Variants in AAK1 observed in about 807,000 individuals in gnomAD.
The protein encoded by AAK1 is AP2 associated kinase 1.
Under a neutral mutation model 116.0 loss-of-function variants are expected in AAK1, and 37 were observed. The observed-to-expected ratio is 0.32, with a 90% confidence interval of 0.25 to 0.42. The LOEUF (loss-of-function observed/expected upper bound fraction) is 0.42, where lower values mean the gene tolerates loss of function less well. Among genes scored for constraint, AAK1 ranks in the 10% least tolerant of loss-of-function variants. The pLI is 1.00. For synonymous variants in AAK1, 458 were observed against 439.9 expected (o/e 1.04, Z -0.51); for missense variants, 919 against 1,170.6 (o/e 0.79, Z 3.14).
intron 2 of AAK1, among the ~76,000 whole-genome samples, chr2:69,626,663 C>CTT (rs1205180498): frequency 0.048 from 6,007 of 125,456 alleles, 581 homozygotes; most frequent in African/African-American, 0.17. Flanking sequence ...CCATGCCTGG[C>CTT]TTTTTTTTTT....
At chr2:69,548,561 T>TTTTC (rs547829293) in intron 3 of AAK1, among the ~76,000 whole-genome samples, 7 of 151,132 alleles carry the variant, frequency 4.6e-5, no homozygotes, top group South Asian at 4.2e-4. Flanking sequence ...TCTTTCTTTC[T>TTTTC]TTTCTTTCTT....
At chr2:69,642,541 A>C (rs1205618898) in intron 2 of AAK1, among the ~76,000 whole-genome samples, 1 of 152,036 alleles carries the variant, frequency 6.6e-6, no homozygotes, top group Non-Finnish European at 1.5e-5. Flanking sequence ...TTTTAGGAGG[A>C]TGACAAGCCC....
Position 69,509,215 on chromosome 2 carries a change from A to C in AAK1, c.2006+16T>G. 6.2e-7 allele frequency: 1 copy of C among 1,611,758 alleles called. No homozygotes were observed. The highest frequency in any genetic ancestry group is 8.5e-7 in the Non-Finnish European group (1 of 1,177,860). ...GCCCACAGAGGTAAGAACAACAAAG[A>C]GGAAGCACCACATACTTGGACTTAT... On this transcript the variant is annotated intron_variant, in intron 14 of 21. Coordinates refer to ENST00000409085, the MANE Select transcript of AAK1 (RefSeq NM_014911.5).
At chr2:69,491,114 AT>A (rs574666592) in intron 17 of AAK1, among the ~76,000 whole-genome samples, 2,615 of 146,150 alleles carry the variant, frequency 0.018, 34 homozygotes, top group South Asian at 0.035. Context: ...TTAAAAAAAA[AT>A]TTTTTTTTTT....
chr2:69,512,583 G>A (rs1676432293), intron 13 of AAK1, among the ~76,000 whole-genome samples: 2 of 149,048 alleles, frequency 1.3e-5, no homozygotes, highest in Admixed American at 1.4e-4. Flanking sequence ...TACAGGGTAC[G>A]CTTTACCTTC....
chr2:69,473,305 C>T lies in AAK1; in HGVS notation c.*2564G>A. The T allele has an allele frequency of 2.0e-6, 2 of 984,576 alleles. No homozygotes were observed. Among genetic ancestry groups the T allele is most frequent in the Non-Finnish European group, 2.4e-6 (2 of 829,136 alleles). 61.0% of individuals were successfully genotyped at this position (984,576 alleles called of 1,614,324 possible). ...TGGACTAGAGGATGGTCTCAAAGGT[C>T]CCTTTGTAGCTCAGGCTATGATTCC... On this transcript the variant is annotated 3_prime_UTR_variant, in exon 22 of 22. Coordinates refer to ENST00000409085, the MANE Select transcript of AAK1 (RefSeq NM_014911.5).
In AAK1 at chr2:69,474,237, T is replaced by G. The variant is rs1266952984; in HGVS notation, c.*1632A>C. On this transcript the variant is annotated 3_prime_UTR_variant, in exon 22 of 22. Coordinates refer to ENST00000409085, the MANE Select transcript of AAK1 (RefSeq NM_014911.5). ...AGGAAGAAGAAACAAAAGTACTAGA[T>G]AGCAAAACAAGCAAATGGACTTGGA... 2 of 985,702 alleles carry G rather than the reference T, an allele frequency of 2.0e-6. No individual in the cohort carries two copies. Among genetic ancestry groups the G allele is most frequent in the East Asian group, 1.1e-4 (1 of 8,822 alleles). 61.1% of individuals were successfully genotyped at this position (985,702 alleles called of 1,614,324 possible).
At chr2:69,528,605 A>T (rs564661475) in intron 8 of AAK1, among the ~76,000 whole-genome samples, 1 of 152,340 alleles carries the variant, frequency 6.6e-6, no homozygotes, top group Admixed American at 6.5e-5. Context: ...TTCAATGGTG[A>T]TACCACTGAG....
At chr2:69,617,459 A>G (rs1208967118) in intron 2 of AAK1, among the ~76,000 whole-genome samples, 1 of 152,210 alleles carries the variant, frequency 6.6e-6, no homozygotes, top group Non-Finnish European at 1.5e-5. Context: ...GGCTGTTTGA[A>G]TTCTAAGTTT....
intron 20 of AAK1, among the ~76,000 whole-genome samples, chr2:69,478,145 T>C (rs1674921036): frequency 6.6e-6 from 1 of 152,242 alleles, no homozygotes. Flanking sequence ...AAGTTCAACC[T>C]TGCAAGGACT....
At chr2:69,584,257 A>C (rs896323351) in intron 2 of AAK1, among the ~76,000 whole-genome samples, 1 of 152,260 alleles carries the variant, frequency 6.6e-6, no homozygotes, top group Non-Finnish European at 1.5e-5. Flanking sequence ...ACTCCTAAGC[A>C]GATGGCAGGC....
At chr2:69,633,218 CAA>C (rs199667063) in intron 2 of AAK1, among the ~76,000 whole-genome samples, 11 of 105,986 alleles carry the variant, frequency 1.0e-4, no homozygotes, top group Admixed American at 1.8e-4. Context: ...GACTCTGTTT[CAA>C]AAAAAAAAAA....
chr2:69,586,955 A>AT (rs1222455496), intron 2 of AAK1, among the ~76,000 whole-genome samples: 2 of 152,192 alleles, frequency 1.3e-5, no homozygotes, highest in African/African-American at 4.8e-5. Flanking sequence ...TTTCAAATGC[A>AT]GTAATCTTCT....
At chr2:69,556,480 C>T (rs1327063258) in intron 3 of AAK1, among the ~76,000 whole-genome samples, 1 of 152,104 alleles carries the variant, frequency 6.6e-6, no homozygotes, top group Non-Finnish European at 1.5e-5. Context: ...GAGGGTTGAA[C>T]TGAGACTGGG....
In AAK1 at chr2:69,460,587, C is replaced by CCTCT. The variant is rs1211259551; in HGVS notation, c.*15281_*15282insAGAG. 6.6e-6 allele frequency: 1 copy of CCTCT among 152,130 alleles called. No homozygotes were observed. Among genetic ancestry groups the CCTCT allele is most frequent in the Non-Finnish European group, 1.5e-5 (1 of 68,018 alleles). The allele number at this position is 152,130 out of a possible 1,614,324, so 9.4% of individuals were successfully genotyped here. ...TTAGTTGCCAGAGAAAACTCAGATA[C>CCTCT]AACATGAGCCTCTAAACACATACAC... On this transcript the variant is annotated 3_prime_UTR_variant, in exon 22 of 22. Coordinates refer to ENST00000409085, the MANE Select transcript of AAK1 (RefSeq NM_014911.5).
intron 17 of AAK1, among the ~76,000 whole-genome samples, chr2:69,485,039 T>A (rs1675240927): frequency 6.6e-6 from 1 of 152,120 alleles, no homozygotes; most frequent in Non-Finnish European, 1.5e-5. Flanking sequence ...GTTAAAAATA[T>A]CTCTAATAAT....
chr2:69,478,960 C>G lies in AAK1; in HGVS notation c.2671G>C (p.Val891Leu), dbSNP rs1182962096. ...EFAPTAISAPVHKAAEDSNLI... is the reference protein window; with the variant it reads ...EFAPTAISAPLHKAAEDSNLI... ...AGAAGAAAGCATTTACCTTTATGGA[C>G]TGGAGCAGAGATTGCTGTGGGGGCA... Residue 891 changes from valine (V) to leucine (L), a missense_variant, in exon 20 of 22, where the codon GTC (valine) becomes CTC (leucine). By Grantham distance (32) the Val-to-Leu change is conservative (BLOSUM62 1). Around this residue, in one of 4 missense-constraint regions of AAK1, gnomAD observed 263 missense variants for 285.5 expected, o/e 0.92. Coordinates refer to ENST00000409085, the MANE Select transcript of AAK1 (RefSeq NM_014911.5). 2.5e-6 allele frequency: 4 copies of G among 1,611,194 alleles called. No individual in the cohort carries two copies. The South Asian group carries it at 3.3e-5, about 13-fold the overall frequency.
chr2:69,467,848 T>G lies in AAK1; in HGVS notation c.*8021A>C. 1.0e-6 allele frequency: 1 copy of G among 985,440 alleles called. No homozygotes were observed. Among genetic ancestry groups the G allele is most frequent in the Non-Finnish European group, 1.2e-6 (1 of 829,916 alleles). 61.0% of individuals were successfully genotyped at this position (985,440 alleles called of 1,614,324 possible). On this transcript the variant is annotated 3_prime_UTR_variant, in exon 22 of 22. Coordinates refer to ENST00000409085, the MANE Select transcript of AAK1 (RefSeq NM_014911.5). Reference sequence around the variant, plus strand: ...TAGAGACATTACATTGTAAAGAGAATGTAGAGAGAGGTCTGAACATTTTAT... The same window carrying G: ...TAGAGACATTACATTGTAAAGAGAAGGTAGAGAGAGGTCTGAACATTTTAT...
intron 14 of AAK1, 53 bp from the exon 15 acceptor site, chr2:69,507,631 C>A: frequency 1.4e-6 from 2 of 1,421,816 alleles, no homozygotes; most frequent in Admixed American, 2.6e-5. Flanking sequence ...TTGAACAAAA[C>A]AAAAAGGGTC....
Sources: gnomAD v4.1 joint callset for allele counts (sites outside exome capture counted in the v4.1 genomes callset) on GRCh38, gnomAD v4.1.1 for gene constraint, gnomAD v4.1.1 regional missense constraint, MANE v1.5 for transcripts, NCBI Gene and HGNC (gene_info 2026-07-23, HGNC 2026-07-21) for gene names.